The following SCAF8 variants were observed in gnomAD, a reference collection of about 807,000 sequenced individuals.
SCAF8 encodes SR-related and CTD-associated factor 8.
SCAF8 carries 23 observed loss-of-function variants against 140.5 expected under a neutral mutation model. That is an observed-to-expected ratio of 0.16 (90% CI 0.12 to 0.23). The LOEUF is 0.23. Among genes scored for constraint, SCAF8 ranks in the 10% least tolerant of loss-of-function variants. The pLI, the probability that SCAF8 is intolerant of heterozygous loss-of-function variation, is 1.00. For missense variants in SCAF8, 1,397 were observed against 1,555.7 expected (o/e 0.90, Z 1.72); for synonymous variants, 575 against 528.9 (o/e 1.09, Z -1.20).
intron 4 of SCAF8, among the ~76,000 whole-genome samples, chr6:154,790,489 A>ATTTTTTTTTTTTTTTTTTTT (rs57095332): frequency 1.6e-4 from 11 of 70,878 alleles, no homozygotes; most frequent in Non-Finnish European, 2.1e-4. Flanking sequence ...ATTTAACAGA[A>ATTTTTTTTTTTTTTTTTTTT]TTTTTTTTTT....
chr6:154,803,319 G>A (rs1777822902), intron 7 of SCAF8, among the ~76,000 whole-genome samples: 1 of 151,966 alleles, frequency 6.6e-6, no homozygotes, highest in African/African-American at 2.4e-5. Flanking sequence ...TGTTTATCCT[G>A]CCTCTATCAT....
intron 1 of SCAF8, among the ~76,000 whole-genome samples, chr6:154,762,166 A>T (rs1279953718): frequency 1.3e-5 from 2 of 152,238 alleles, no homozygotes; most frequent in African/African-American, 4.8e-5. Context: ...ATTGTCACAA[A>T]CTTAGCTTGT....
chr6:154,810,075 G>A lies in SCAF8; in HGVS notation c.1287G>A (p.Lys429=), dbSNP rs767588927. Residue 429 remains lysine (K), a synonymous_variant, in exon 12 of 20, where the codon AAG becomes AAA. Coordinates refer to ENST00000367178, the MANE Select transcript of SCAF8 (RefSeq NM_014892.5). ...RSGSRKRKHR[K]RSRSRSRERK... ...GCTCTAGAAAGCGTAAACACAGAAA[G>A]CGATCACGCTCCCGCTCAAGAGAAA... 1 of 1,613,794 alleles carries A rather than the reference G, an allele frequency of 6.2e-7. No individual in the cohort carries two copies. The highest frequency in any genetic ancestry group is 1.1e-5 in the South Asian group (1 of 91,018).
intron 6 of SCAF8, among the ~76,000 whole-genome samples, chr6:154,796,803 C>T (rs1027244429): frequency 1.3e-5 from 2 of 152,034 alleles, no homozygotes; most frequent in Admixed American, 1.3e-4. Flanking sequence ...TGAAACCTGT[C>T]TCTACTAAAA....
intron 1 of SCAF8, among the ~76,000 whole-genome samples, chr6:154,734,165 C>T (rs1031395939): frequency 6.6e-6 from 1 of 152,148 alleles, no homozygotes. Flanking sequence ...GCGTCTCCGG[C>T]GTCCTATGGA....
chr6:154,805,509 C>T lies in SCAF8; in HGVS notation c.981+23C>T, dbSNP rs1777887387. On this transcript the variant is annotated intron_variant, in intron 9 of 19. Coordinates refer to ENST00000367178, the MANE Select transcript of SCAF8 (RefSeq NM_014892.5). The stretch of plus-strand genomic sequence containing the variant: ...AAGGTTTATAACCCCATCTTGTGGT[C>T]TTTAGAGTTATTACTATTTATATTC... 4 of 1,350,804 alleles carry T rather than the reference C, an allele frequency of 3.0e-6. No homozygotes were observed. The South Asian group carries it at 5.3e-5, about 18-fold the overall frequency. 83.7% of individuals were successfully genotyped at this position (1,350,804 alleles called of 1,614,324 possible). A position where few individuals can be genotyped will look rare whatever the true frequency, so the allele number is the denominator to read the frequency against.
chr6:154,803,567 T>G lies in SCAF8; in HGVS notation c.807T>G (p.Phe269Leu), dbSNP rs1777831303. 6.2e-7 allele frequency: 1 copy of G among 1,612,406 alleles called. No homozygotes were observed. Among genetic ancestry groups the G allele is most frequent in the African/African-American group, 1.3e-5 (1 of 74,878 alleles). Residue 269 changes from phenylalanine (F) to leucine (L), a missense_variant, in exon 8 of 20, where the codon TTT (phenylalanine) becomes TTG (leucine). Phe to Leu is a conservative substitution (Grantham distance 22). Coordinates refer to ENST00000367178, the MANE Select transcript of SCAF8 (RefSeq NM_014892.5). ...AGAAGTTGATGGATAGGTTTGATTT[T>G]GGGGAAGACTCTGAGCATAGTGAAG... is the stretch of plus-strand genomic sequence containing the variant. ...FNKKLMDRFD[F>L]GEDSEHSEEP...
chr6:154,809,838 G>A (rs1778036985), intron 11 of SCAF8, among the ~76,000 whole-genome samples, 177 bp from the exon 12 acceptor site: 1 of 152,104 alleles, frequency 6.6e-6, no homozygotes, highest in African/African-American at 2.4e-5. Context: ...GACCTAAGCA[G>A]CACACGGATT....
At chr6:154,785,249 T>C (rs540024569) in intron 3 of SCAF8, among the ~76,000 whole-genome samples, 1 of 152,288 alleles carries the variant, frequency 6.6e-6, no homozygotes, top group African/African-American at 2.4e-5. Flanking sequence ...TCTGTTGACA[T>C]TGTGTGTGTT....
At chr6:154,780,856 A>G (rs1432287809) in intron 3 of SCAF8, among the ~76,000 whole-genome samples, 2 of 152,184 alleles carry the variant, frequency 1.3e-5, no homozygotes, top group African/African-American at 4.8e-5. Flanking sequence ...TCTTTATGGT[A>G]GAATGATTTA....
chr6:154,830,177 T>C (rs1314176133), intron 18 of SCAF8, among the ~76,000 whole-genome samples: 1 of 152,244 alleles, frequency 6.6e-6, no homozygotes, highest in Non-Finnish European at 1.5e-5. Flanking sequence ...TTAATTCTTG[T>C]GCATGACCAC....
At chr6:154,827,473 A>T (rs1469716061) in intron 18 of SCAF8, among the ~76,000 whole-genome samples, 2 of 152,150 alleles carry the variant, frequency 1.3e-5, no homozygotes, top group Non-Finnish European at 2.9e-5. Flanking sequence ...AGGTCCTCTC[A>T]TCCTATTTGT....
rs184725906 is a variant in SCAF8 at position 154,800,345 on chromosome 6, C to T, written c.607-1626C>T. Among the ~76,000 whole-genome samples, 111 of 151,510 alleles carry T rather than the reference C, an allele frequency of 7.3e-4. 3 individuals are homozygous for T. The highest frequency in any genetic ancestry group is 1.2e-3 in the Admixed American group (18 of 15,234). On this transcript the variant is annotated intron_variant, in intron 6 of 19. Transcript: ENST00000367178. ...TTTTGTGGAATGAATGAATGATGTA[C>T]AAAAGCATTACAGTGTTGGAGATAC...
chr6:154,756,314 C>T (rs78066262), intron 1 of SCAF8, among the ~76,000 whole-genome samples: 2,001 of 152,296 alleles, frequency 0.013, 17 homozygotes, highest in Middle Eastern at 0.02. Context: ...TAGAGATCTT[C>T]AAGATCATTA....
intron 9 of SCAF8, among the ~76,000 whole-genome samples, chr6:154,807,456 C>T (rs1777954249): frequency 1.3e-5 from 2 of 152,138 alleles, no homozygotes; most frequent in Admixed American, 6.5e-5. Context: ...TCTCGGCTCA[C>T]TGCTACCTCC....
chr6:154,825,795 T>C (rs1264712837), intron 17 of SCAF8, among the ~76,000 whole-genome samples: 1 of 151,904 alleles, frequency 6.6e-6, no homozygotes, highest in Non-Finnish European at 1.5e-5. Context: ...ATTACAGGTA[T>C]GAGCCACCGC....
At chr6:154,753,243 G>T (rs1473071377) in intron 1 of SCAF8, among the ~76,000 whole-genome samples, 1 of 152,074 alleles carries the variant, frequency 6.6e-6, no homozygotes, top group Admixed American at 6.6e-5. Flanking sequence ...AAGCAGGTCA[G>T]TCACCTGAGG....
chr6:154,810,130 A>G lies in SCAF8; in HGVS notation c.1342A>G (p.Ser448Gly), dbSNP rs768472606. ...GAGGAAATCATCACGGTCGTATTCAAGTGAAAGGAGAGCCAGAGAAAGGGA... is the reference window on the plus strand; with the variant it reads ...GAGGAAATCATCACGGTCGTATTCAGGTGAAAGGAGAGCCAGAGAAAGGGA... ...RKRKSSRSYS[S>G]ERRAREREKE... The change falls in exon 12 of 20, where the codon AGT becomes GGT. Residue 448 changes from serine (S) to glycine (G), a missense_variant. Around this residue, in one of 5 missense-constraint regions of SCAF8, gnomAD observed 339 missense variants for 407.5 expected, o/e 0.83. Coordinates refer to ENST00000367178, the MANE Select transcript of SCAF8 (RefSeq NM_014892.5). 5.6e-6 allele frequency: 9 copies of G among 1,613,962 alleles called. No individual in the cohort carries two copies. The South Asian group carries it at 9.9e-5, about 18-fold the overall frequency.
At chr6:154,735,207 A>G (rs1482640785) in intron 1 of SCAF8, among the ~76,000 whole-genome samples, 2 of 152,054 alleles carry the variant, frequency 1.3e-5, no homozygotes, top group East Asian at 3.9e-4. Flanking sequence ...TAAAGTGCCA[A>G]TACTTTATTC....
Sources: gnomAD v4.1 joint callset for allele counts (sites outside exome capture counted in the v4.1 genomes callset) on GRCh38, gnomAD v4.1.1 for gene constraint, gnomAD v4.1.1 regional missense constraint, MANE v1.5 for transcripts, NCBI Gene and HGNC (gene_info 2026-07-23, HGNC 2026-07-21) for gene names.